VIPR1: variants seen among roughly 807,000 people sequenced by gnomAD.
VIPR1 encodes vasoactive intestinal polypeptide receptor 1.
VIPR1 carries 59 observed loss-of-function variants against 58.8 expected under a neutral mutation model. The ratio of observed to expected loss-of-function variants is 1.00; its 90% CI spans 0.81 to 1.25. The LOEUF is 1.25. Ranked by LOEUF, VIPR1 falls within the 50% of genes most tolerant of loss-of-function variation. The pLI is 0.00. For missense variants in VIPR1, 626 were observed against 602.7 expected (o/e 1.04, Z -0.40); for synonymous variants, 251 against 242.1 (o/e 1.04, Z -0.34).
At chr3:42,497,045 G>T (rs567732461) in intron 1 of VIPR1, among the ~76,000 whole-genome samples, 1 of 152,108 alleles carries the variant, frequency 6.6e-6, no homozygotes, top group African/African-American at 2.4e-5. Context: ...GTTGTGTTTT[G>T]TCCTGCCTAC....
rs199617921 is a variant in VIPR1, at chr3:42,523,088, CG to C, written c.293-2798del. On this transcript the variant is annotated intron_variant, in intron 3 of 12. Transcript: ENST00000325123. ...CCTTCACTGTTGCATGCCCTGACCC[CG>C]CCCCCAGTGGAGTGTCCTTCCCAGC... Among the ~76,000 whole-genome samples, 29 of 151,496 alleles carry C rather than the reference CG, an allele frequency of 1.9e-4. 1 individual carries two copies. The East Asian group carries it at 3.7e-3, about 19-fold the overall frequency.
At chr3:42,523,358 C>T (rs1031777838) in intron 3 of VIPR1, among the ~76,000 whole-genome samples, 7 of 152,166 alleles carry the variant, frequency 4.6e-5, no homozygotes, top group African/African-American at 1.4e-4. Flanking sequence ...CCCTCCTCTC[C>T]TTCACCATCT....
chr3:42,535,991 A>C, intron 12 of VIPR1, 99 bp from the exon 13 acceptor site: 1 of 1,371,126 alleles, frequency 7.3e-7, no homozygotes, highest in Non-Finnish European at 9.8e-7. Flanking sequence ...TCCTAAAGAG[A>C]ATAAGACTGG....
chr3:42,512,677 G>C, intron 1 of VIPR1: 1 of 931,972 alleles, frequency 1.1e-6, no homozygotes, highest in Non-Finnish European at 1.3e-6. Context: ...GAGACACTGA[G>C]AATGTCTGAT....
intron 2 of VIPR1, among the ~76,000 whole-genome samples, chr3:42,516,098 T>C (rs1326617271): frequency 1.3e-5 from 2 of 152,260 alleles, no homozygotes; most frequent in Non-Finnish European, 1.5e-5. Flanking sequence ...TGCACACAAG[T>C]CTACAAAATG....
intron 1 of VIPR1, chr3:42,507,088 A>T (rs1240499581): frequency 6.6e-6 from 1 of 152,212 alleles, no homozygotes; most frequent in African/African-American, 2.4e-5. Flanking sequence ...TTCAGAATGC[A>T]TCTCTAAAAC....
In VIPR1 at chr3:42,534,990, C is replaced by A. The variant is rs2125681441; in HGVS notation, c.1026C>A (p.Ser342=). ...DSSPYSRLAR[S]TLLLIPLFGV... The stretch of plus-strand genomic sequence containing the variant: ...CTGTCTCCAGAAGGCTAGCCAGGTC[C>A]ACACTCCTGCTGATCCCCCTGTTTG... The change falls in exon 11 of 13, where the codon TCC becomes TCA. Residue 342 remains serine (S), a synonymous_variant. Transcript: ENST00000325123. The A allele has an allele frequency of 6.2e-7, 1 of 1,614,166 alleles. No homozygotes were observed. The highest frequency in any genetic ancestry group is 1.6e-4 in the Middle Eastern group (1 of 6,062).
At chr3:42,518,373 T>G (rs1270531607) in intron 2 of VIPR1, among the ~76,000 whole-genome samples, 1 of 152,142 alleles carries the variant, frequency 6.6e-6, no homozygotes, top group Non-Finnish European at 1.5e-5. Flanking sequence ...CAAAACAAAA[T>G]ACAATCTTCC....
chr3:42,519,554 G>T, intron 3 of VIPR1: 1 of 446,414 alleles, frequency 2.2e-6, no homozygotes, highest in Non-Finnish European at 3.9e-6. Context: ...CTAAATATTT[G>T]CTCAACAATT....
At chr3:42,517,959 G>A (rs1453333568) in intron 2 of VIPR1, among the ~76,000 whole-genome samples, 1 of 152,114 alleles carries the variant, frequency 6.6e-6, no homozygotes, top group Non-Finnish European at 1.5e-5. Flanking sequence ...CTGGGCGACA[G>A]AGCAAGACTA....
At chr3:42,521,072 C>T (rs1251848443) in intron 3 of VIPR1, among the ~76,000 whole-genome samples, 1 of 152,152 alleles carries the variant, frequency 6.6e-6, no homozygotes, top group East Asian at 1.9e-4. Flanking sequence ...TGCCTTTCTC[C>T]CTGAGACTCT....
chr3:42,513,813 A>T lies in VIPR1; in HGVS notation c.143A>T (p.Lys48Met), dbSNP rs1340873625. 2.6e-6 allele frequency: 4 copies of T among 1,551,580 alleles called. No homozygotes were observed. In the East Asian group the frequency reaches 9.8e-5, roughly 38 times the overall value. Residue 48 changes from lysine to methionine, a missense_variant, in exon 2 of 13, where the codon AAG becomes ATG. Transcript: ENST00000325123. Reference protein sequence around the residue: ...DYVQMIEVQHKQCLEEAQLEN... With the variant: ...DYVQMIEVQHMQCLEEAQLEN... ...GTGCAGATGATCGAGGTGCAGCACA[A>T]GCAGTGCCTGGAGGAGGCCCAGCTG... is the stretch of plus-strand genomic sequence containing the variant.
At chr3:42,508,406 C>T (rs946012855) in intron 1 of VIPR1, among the ~76,000 whole-genome samples, 2 of 152,172 alleles carry the variant, frequency 1.3e-5, no homozygotes, top group Non-Finnish European at 2.9e-5. Flanking sequence ...GCTCTGCCAC[C>T]TCGTGAAGAG....
Position 42,537,461 on chromosome 3 carries a change from T to A in VIPR1, c.*1180T>A, listed in dbSNP as rs1423934477. ...TAGGAGCCTGCTGGTCACAGCCTCC[T>A]CTGTCTGCCCTTCACCCCAGTGGCC... On this transcript the variant is annotated 3_prime_UTR_variant, in exon 13 of 13. Transcript: ENST00000325123. 6.6e-6 allele frequency: 1 copy of A among 152,264 alleles called. No homozygotes were observed. Among genetic ancestry groups the A allele is most frequent in the Non-Finnish European group, 1.5e-5 (1 of 68,096 alleles). 9.4% of individuals were successfully genotyped at this position (152,264 alleles called of 1,614,324 possible).
At chr3:42,514,709 G>T (rs529483709) in intron 2 of VIPR1, among the ~76,000 whole-genome samples, 1 of 151,980 alleles carries the variant, frequency 6.6e-6, no homozygotes, top group Non-Finnish European at 1.5e-5. Flanking sequence ...CAGCCCCAGG[G>T]GCTGAGCACA....
intron 3 of VIPR1, among the ~76,000 whole-genome samples, chr3:42,520,105 T>C (rs1182089619): frequency 6.6e-6 from 1 of 152,128 alleles, no homozygotes; most frequent in Admixed American, 6.5e-5. Context: ...TCTGAAGACC[T>C]GGAGGTGAGA....
rs1035310940 is a variant in VIPR1 at position 42,513,890 on chromosome 3, C to T, written c.184+36C>T. The T allele has an allele frequency of 1.6e-5, 25 of 1,539,304 alleles. No homozygotes were observed. In the Admixed American group the frequency reaches 3.0e-4, roughly 18 times the overall value. On this transcript the variant is annotated intron_variant, in intron 2 of 12. Transcript: ENST00000325123. ...CATGGGCAGAGAGGGGCTGCATGCC[C>T]CCAGGGAGCCCAAGATTCCTCATGT...
At chr3:42,527,831 T>C (rs1166443475) in intron 5 of VIPR1, 160 bp from the exon 6 acceptor site, 2 of 1,064,424 alleles carry the variant, frequency 1.9e-6, no homozygotes, top group African/African-American at 1.6e-5. Context: ...TACCTGGGGG[T>C]GGGGCTCGTA....
At chr3:42,522,359 G>A (rs763550525) in intron 3 of VIPR1, among the ~76,000 whole-genome samples, 2 of 149,740 alleles carry the variant, frequency 1.3e-5, no homozygotes, top group African/African-American at 2.5e-5. Context: ...CACCTGCCTC[G>A]GCCTCCCAAA....
Sources: allele counts gnomAD v4.1 joint callset (sites outside exome capture counted in the v4.1 genomes callset), GRCh38; gene constraint gnomAD v4.1.1; transcripts MANE v1.5; gene names NCBI Gene and HGNC (gene_info 2026-07-23, HGNC 2026-07-21).